PLXNB2: variants seen among roughly 807,000 people sequenced by gnomAD.
PLXNB2 encodes the protein plexin B2.
A neutral mutation model predicts 202.6 loss-of-function variants in PLXNB2; 85 were observed. That is an observed-to-expected ratio of 0.42 (90% CI 0.35 to 0.50). The LOEUF (loss-of-function observed/expected upper bound fraction) is 0.50, where lower values mean the gene tolerates loss of function less well. Among genes scored for constraint, PLXNB2 ranks in the 20% least tolerant of loss-of-function variants. The pLI is 0.02. For missense variants in PLXNB2, 2,063 were observed against 2,586.2 expected (o/e 0.80, Z 4.39); for synonymous variants, 1,239 against 1,137.6 (o/e 1.09, Z -1.79).
chr22:50,280,714 G>GGCCCACCCCCC, intron 24 of PLXNB2, 30 bp downstream of exon 24: 4 of 1,528,946 alleles, frequency 2.6e-6, no homozygotes, highest in Non-Finnish European at 3.5e-6. Flanking sequence ...CCACCTGTGT[G>GGCCCACCCCCC]CCCTCCCGCC....
In PLXNB2 at chr22:50,275,254, TCTC is replaced by T. The variant is rs2065465254; in HGVS notation, c.*447_*449del. On this transcript the variant is annotated 3_prime_UTR_variant, in exon 37 of 37. Coordinates refer to ENST00000359337, the MANE Select transcript of PLXNB2 (RefSeq NM_012401.4). Reference sequence around the variant, plus strand: ...GTCAGGAAGGCATCGTACCGCTTTTTCTCCTCCTCCCATCTCGTGGTGGACAGA... The same window carrying T: ...GTCAGGAAGGCATCGTACCGCTTTTTCTCCTCCCATCTCGTGGTGGACAGA... 2.6e-6 allele frequency: 1 copy of T among 380,096 alleles called. No individual in the cohort carries two copies. Among genetic ancestry groups the T allele is most frequent in the South Asian group, 1.8e-5 (1 of 54,934 alleles). The allele number at this position is 380,096 out of a possible 1,614,324, so 23.5% of individuals were successfully genotyped here. A position where few individuals can be genotyped will look rare whatever the true frequency, so the allele number is the denominator to read the frequency against.
Position 50,288,029 on chromosome 22 carries a change from C to A in PLXNB2, c.1389G>T (p.Arg463=), listed in dbSNP as rs757965647. 8.3e-6 allele frequency: 13 copies of A among 1,558,766 alleles called. No individual in the cohort carries two copies. The South Asian group carries it at 1.5e-4, about 18-fold the overall frequency. ...AGCTCAGGCACTCCTGCACCGGCAG[C>A]CGGAACACCTAGGGCAGCGGGGCCG... ...LYAMTQDKVF[R]LPVQECLSYP... Residue 463 remains arginine (R), a synonymous_variant, in exon 6 of 37, where the codon CGG becomes CGT. Transcript: ENST00000359337. The surrounding 1 kb of genome is among the most constrained non-coding windows in gnomAD (Gnocchi z 5.0).
intron 33 of PLXNB2, among the ~76,000 whole-genome samples, chr22:50,277,383 C>G (rs28730370): frequency 0.022 from 3,339 of 152,282 alleles, 125 homozygotes; most frequent in African/African-American, 0.075. Context: ...TGAGAGGTCT[C>G]AGGAGGAGAG....
In PLXNB2 at chr22:50,284,725, A is replaced by T. The variant is rs554412575; in HGVS notation, c.2089-60T>A. On this transcript the variant is annotated intron_variant, in intron 11 of 36. Transcript: ENST00000359337. The surrounding 1 kb of genome is among the most constrained non-coding windows in gnomAD (Gnocchi z 8.0). Reference sequence around the variant, plus strand: ...GCTGTGGCACCCTGGCCCTCCTCCCAGAACCCCTGCAGCCCCTCCTCTGTG... The same window carrying T: ...GCTGTGGCACCCTGGCCCTCCTCCCTGAACCCCTGCAGCCCCTCCTCTGTG... The T allele has an allele frequency of 7.8e-7, 1 of 1,284,802 alleles. No homozygotes were observed. Among genetic ancestry groups the T allele is most frequent in the South Asian group, 1.2e-5 (1 of 83,986 alleles). 79.6% of individuals were successfully genotyped at this position (1,284,802 alleles called of 1,614,324 possible).
At chr22:50,300,881 C>T (rs1210756119) in intron 1 of PLXNB2, among the ~76,000 whole-genome samples, 7 of 152,192 alleles carry the variant, frequency 4.6e-5, no homozygotes, top group Non-Finnish European at 8.8e-5. Flanking sequence ...CACTGGTCCA[C>T]ACCTCCTGAC....
chr22:50,282,920 C>G, intron 17 of PLXNB2, 39 bp from the exon 18 acceptor site: 1 of 1,574,776 alleles, frequency 6.4e-7, no homozygotes, highest in South Asian at 1.2e-5. Flanking sequence ...CAACCCCTCC[C>G]CCGGGACCAG....
rs572606328 is a variant in PLXNB2, at chr22:50,281,057, C to A, written c.3763+32G>T. The A allele has an allele frequency of 2.5e-6, 4 of 1,602,578 alleles. No homozygotes were observed. In the Admixed American group the frequency reaches 6.7e-5, roughly 27 times the overall value. ...CACACAGCATCCCCGCCCCAGGAGG[C>A]GCCCCAGCACCAGCCCCCAAGCGGT... On this transcript the variant is annotated intron_variant, in intron 23 of 36. Transcript: ENST00000359337.
At chr22:50,281,281 G>A (rs2065968541) in intron 22 of PLXNB2, 79 bp downstream of exon 22, 11 of 1,579,990 alleles carry the variant, frequency 7.0e-6, no homozygotes, top group Non-Finnish European at 9.5e-6. Flanking sequence ...GCCTGTGCAG[G>A]GCGGCGGATG....
intron 1 of PLXNB2, among the ~76,000 whole-genome samples, chr22:50,298,080 G>T (rs762304136): frequency 6.6e-6 from 1 of 152,192 alleles, no homozygotes; most frequent in Non-Finnish European, 1.5e-5. Flanking sequence ...CCGCCGCCCT[G>T]CCCCAACAAG....
chr22:50,280,189 G>T, intron 25 of PLXNB2, 118 bp from the exon 26 acceptor site: 1 of 797,172 alleles, frequency 1.3e-6, no homozygotes, highest in Non-Finnish European at 2.0e-6. Flanking sequence ...GCCTGGGTGT[G>T]GCCTGCAGCG....
At chr22:50,286,913 G>C (rs2066497705) in intron 8 of PLXNB2, among the ~76,000 whole-genome samples, 198 bp downstream of exon 8, 1 of 152,172 alleles carries the variant, frequency 6.6e-6, no homozygotes, top group Non-Finnish European at 1.5e-5. Flanking sequence ...CGTGGCTGCG[G>C]ACAGCCCAAG....
At position 50,291,569 on chromosome 22, in the gene PLXNB2, G is replaced by A. The variant is rs1036186261; in HGVS notation, c.-13-972C>T. ...CCCCACAGGTGGACCCAGGACATGC[G>A]TGGTCCTCTCTCTTTCCCTCCCTAC... is the stretch of plus-strand genomic sequence containing the variant. On this transcript the variant is annotated intron_variant, in intron 2 of 36. Coordinates refer to ENST00000359337, the MANE Select transcript of PLXNB2 (RefSeq NM_012401.4). This position sits in a 1 kb window ranked among gnomAD's most constrained non-coding sequence, Gnocchi z 4.3. Among the ~76,000 whole-genome samples, 3 of 152,092 alleles carry A rather than the reference G, an allele frequency of 2.0e-5. No individual in the cohort carries two copies. Among genetic ancestry groups the A allele is most frequent in the Admixed American group, 6.5e-5 (1 of 15,286 alleles).
chr22:50,293,676 C>T (rs1021115489), intron 2 of PLXNB2, among the ~76,000 whole-genome samples: 3 of 152,218 alleles, frequency 2.0e-5, no homozygotes, highest in African/African-American at 7.2e-5. Flanking sequence ...TGGCCCGGAC[C>T]GTGGTGGGGC....
At chr22:50,299,302 G>GT (rs1188696827) in intron 1 of PLXNB2, among the ~76,000 whole-genome samples, 4 of 140,152 alleles carry the variant, frequency 2.9e-5, no homozygotes, top group Admixed American at 7.0e-5. Context: ...GCGTGGGGTG[G>GT]GGGGGGGGCC....
rs114105729 is a variant in PLXNB2 at position 50,288,081 on chromosome 22, C to A, written c.1381-44G>T. 128 of 1,445,936 alleles carry A rather than the reference C, an allele frequency of 8.9e-5. No homozygotes were observed. The African/African-American group carries it at 1.6e-3, about 18-fold the overall frequency. The allele number at this position is 1,445,936 out of a possible 1,614,324, so 89.6% of individuals were successfully genotyped here. ...GAGTGGGACCACAGCAGAGGCCGCA[C>A]GGGCCTTCCGCAGACCCCAGATGTC... On this transcript the variant is annotated intron_variant, in intron 5 of 36. Coordinates refer to ENST00000359337, the MANE Select transcript of PLXNB2 (RefSeq NM_012401.4). The surrounding 1 kb of genome is among the most constrained non-coding windows in gnomAD (Gnocchi z 5.0).
rs549119602 is a variant in PLXNB2, at chr22:50,291,108, G to A, written c.-13-511C>T. ...GGAAACCAGAGGCTCAGGTGAGAGC[G>A]AGGGGTGCCCTGTGCATAGCCCAGC... On this transcript the variant is annotated intron_variant, in intron 2 of 36. Coordinates refer to ENST00000359337, the MANE Select transcript of PLXNB2 (RefSeq NM_012401.4). The surrounding 1 kb of genome is among the most constrained non-coding windows in gnomAD (Gnocchi z 4.3). Among the ~76,000 whole-genome samples, 2 of 152,274 alleles carry A rather than the reference G, an allele frequency of 1.3e-5. No individual in the cohort carries two copies. Among genetic ancestry groups the A allele is most frequent in the East Asian group, 1.9e-4 (1 of 5,180 alleles).
intron 1 of PLXNB2, chr22:50,300,138 C>T: frequency 2.3e-6 from 1 of 427,408 alleles, no homozygotes; most frequent in African/African-American, 2.1e-5. Flanking sequence ...GGAGGGAGCA[C>T]GTGGCCGCCT....
rs2066429338 is a variant in PLXNB2, at chr22:50,286,007, T to C, written c.1969A>G (p.Ile657Val). The change falls in exon 10 of 37, where the codon ATC becomes GTC. Residue 657 changes from isoleucine to valine, a missense_variant. Physicochemically the swap from Ile to Val is conservative, Grantham distance 29 (BLOSUM62 3). Around this residue, in one of 2 missense-constraint regions of PLXNB2, gnomAD observed 1,303 missense variants for 1,476.8 expected, o/e 0.88. Coordinates refer to ENST00000359337, the MANE Select transcript of PLXNB2 (RefSeq NM_012401.4). ...REASPNPEDG[I>V]VRAHMEDSCP... The stretch of plus-strand genomic sequence containing the variant: ...CCCCTCACCATGTGGGCACGGACGA[T>C]GCCGTCCTCAGGGTTGGGCGAAGCC... The C allele has an allele frequency of 1.2e-6, 2 of 1,612,374 alleles. No homozygotes were observed. The highest frequency in any genetic ancestry group is 1.7e-6 in the Non-Finnish European group (2 of 1,179,940).
In PLXNB2 at chr22:50,289,478, T is replaced by C. The variant is rs776836492; in HGVS notation, c.1068+39A>G. Reference sequence around the variant, plus strand: ...ACACGCAAACCCACGAACGGACGCCTGCAGTCCGGGCCCTGCGAGAACACA... The same window carrying C: ...ACACGCAAACCCACGAACGGACGCCCGCAGTCCGGGCCCTGCGAGAACACA... On this transcript the variant is annotated intron_variant, in intron 3 of 36. Coordinates refer to ENST00000359337, the MANE Select transcript of PLXNB2 (RefSeq NM_012401.4). This position sits in a 1 kb window ranked among gnomAD's most constrained non-coding sequence, Gnocchi z 8.0. 2 of 1,546,990 alleles carry C rather than the reference T, an allele frequency of 1.3e-6. No homozygotes were observed. The highest frequency in any genetic ancestry group is 1.7e-6 in the Non-Finnish European group (2 of 1,143,540).
Sources: allele counts gnomAD v4.1 joint callset (sites outside exome capture counted in the v4.1 genomes callset), GRCh38; gene constraint gnomAD v4.1.1; regional missense constraint gnomAD v4.1.1; non-coding constraint Gnocchi (gnomAD v3.1); transcripts MANE v1.5; gene names NCBI Gene and HGNC (gene_info 2026-07-23, HGNC 2026-07-21).